The following KDM4C variants were observed in gnomAD, a reference collection of about 807,000 sequenced individuals.
The protein encoded by KDM4C is lysine-specific demethylase 4C.
KDM4C carries 81 observed loss-of-function variants against 129.3 expected under a neutral mutation model. That is an observed-to-expected ratio of 0.63 (90% CI 0.52 to 0.75). KDM4C has a LOEUF of 0.75. KDM4C is among the 30% of genes least tolerant of loss of function. The pLI is 0.00. For missense variants in KDM4C, 1,457 were observed against 1,304.0 expected, an observed-to-expected ratio of 1.12 and a Z score of -1.81; for synonymous variants, 573 against 456.1, an observed-to-expected ratio of 1.26 and a Z score of -3.26.
rs772670755 is a variant in KDM4C, at chr9:6,805,683, G to A, written c.229G>A (p.Val77Ile). The change falls in exon 3 of 22, where the codon GTC becomes ATC. Residue 77 changes from valine to isoleucine, a missense_variant. Physicochemically the swap from Val to Ile is conservative, Grantham distance 29. Transcript: ENST00000381309. ...LLIPAPIQQM[V>I]TGQSGLFTQY... ...CATTCCAGCACCAATTCAGCAGATG[G>A]TCACAGGGCAGTCAGGACTGTTCAC... The A allele has an allele frequency of 3.1e-6, 5 of 1,614,092 alleles. No individual in the cohort carries two copies. The highest frequency in any genetic ancestry group is 4.2e-6 in the Non-Finnish European group (5 of 1,180,006).
At chr9:6,936,798 C>T (rs1317467865) in intron 8 of KDM4C, among the ~76,000 whole-genome samples, 3 of 152,102 alleles carry the variant, frequency 2.0e-5, no homozygotes, top group African/African-American at 7.2e-5. Flanking sequence ...AACTATGTGC[C>T]CTTAGCTAAG....
At chr9:7,129,475 G>A (rs1840382057) in intron 19 of KDM4C, among the ~76,000 whole-genome samples, 1 of 152,164 alleles carries the variant, frequency 6.6e-6, no homozygotes, top group South Asian at 2.1e-4. Flanking sequence ...CATTGCCACT[G>A]TTATTCATAA....
At chr9:7,033,920 C>A (rs1827200502) in intron 15 of KDM4C, among the ~76,000 whole-genome samples, 1 of 151,994 alleles carries the variant, frequency 6.6e-6, no homozygotes, top group Admixed American at 6.5e-5. Context: ...GGAGAGAGAT[C>A]CCCAGGAAGA....
intron 1 of KDM4C, among the ~76,000 whole-genome samples, chr9:6,729,931 G>A (rs1449130536): frequency 1.5e-5 from 2 of 133,800 alleles, no homozygotes; most frequent in Admixed American, 8.0e-5. Context: ...CCAACATGGC[G>A]AAAATTAATC....
chr9:6,794,237 T>C (rs1003665123), intron 2 of KDM4C, among the ~76,000 whole-genome samples: 14 of 152,230 alleles, frequency 9.2e-5, no homozygotes, highest in African/African-American at 3.1e-4. Flanking sequence ...GGAGCTTACA[T>C]TCTAGTTGTA....
intron 5 of KDM4C, among the ~76,000 whole-genome samples, chr9:6,859,658 C>T (rs546111941): frequency 6.7e-6 from 1 of 149,970 alleles, no homozygotes; most frequent in East Asian, 2.0e-4. Flanking sequence ...ATCCGGAGAT[C>T]GAAACCATCC....
intron 15 of KDM4C, 72 bp downstream of exon 15, chr9:7,016,001 G>T (rs818883): frequency 1 from 1,076,923 of 1,076,944 alleles, 538,451 homozygotes; most frequent in Middle Eastern, 1. Flanking sequence ...TTAAGTCTAG[G>T]GAAAAGATAA....
At position 7,140,616 on chromosome 9, in the gene KDM4C, A is replaced by G. The variant is rs558646074; in HGVS notation, c.2781+12380A>G. On this transcript the variant is annotated intron_variant, in intron 19 of 21. Transcript: ENST00000381309. Reference sequence around the variant, plus strand: ...TCTGGGTACCTGCATATGGTCATACATGGATTCTCTAGTCAAGAAATACCT... The same window carrying G: ...TCTGGGTACCTGCATATGGTCATACGTGGATTCTCTAGTCAAGAAATACCT... Among the ~76,000 whole-genome samples, 27 of 152,330 alleles carry G rather than the reference A, an allele frequency of 1.8e-4. 1 individual carries two copies. The highest frequency in any genetic ancestry group is 1.4e-3 in the Admixed American group (22 of 15,300).
chr9:7,002,024 C>G (rs1820818787), intron 12 of KDM4C, among the ~76,000 whole-genome samples: 1 of 152,124 alleles, frequency 6.6e-6, no homozygotes, highest in South Asian at 2.1e-4. Flanking sequence ...TCCCGAGTAT[C>G]TAGGACTACA....
At chr9:6,904,611 A>G (rs1404094463) in intron 8 of KDM4C, among the ~76,000 whole-genome samples, 2 of 152,198 alleles carry the variant, frequency 1.3e-5, no homozygotes, top group Non-Finnish European at 2.9e-5. Flanking sequence ...GGCTGTGTCC[A>G]CACCTGTCAC....
chr9:6,920,511 C>T (rs981495859), intron 8 of KDM4C, among the ~76,000 whole-genome samples: 32 of 150,906 alleles, frequency 2.1e-4, no homozygotes, highest in Middle Eastern at 3.4e-3. Context: ...TGCAGTGAGC[C>T]GAGATCGTTC....
At chr9:6,866,472 G>T (rs1212380459) in intron 5 of KDM4C, among the ~76,000 whole-genome samples, 7 of 152,158 alleles carry the variant, frequency 4.6e-5, no homozygotes, top group Non-Finnish European at 8.8e-5. Context: ...ACCTCCTACA[G>T]TGTAGCACTG....
intron 5 of KDM4C, among the ~76,000 whole-genome samples, chr9:6,868,641 A>G (rs913604548): frequency 2.6e-5 from 4 of 152,146 alleles, no homozygotes; most frequent in Non-Finnish European, 5.9e-5. Context: ...TTGTTTAGGG[A>G]ATACTGACCA....
intron 17 of KDM4C, among the ~76,000 whole-genome samples, chr9:7,081,552 G>A (rs1165019856): frequency 1.3e-5 from 2 of 152,178 alleles, no homozygotes; most frequent in African/African-American, 4.8e-5. Flanking sequence ...CCCATTGACT[G>A]AAAATGTCTC....
At chr9:6,856,532 C>CTG (rs1251541770) in intron 5 of KDM4C, among the ~76,000 whole-genome samples, 15 of 127,584 alleles carry the variant, frequency 1.2e-4, no homozygotes, top group Non-Finnish European at 2.1e-4. Context: ...ATATCTCTCT[C>CTG]TGTGTGCGTG....
chr9:6,799,326 G>A (rs1158201127), intron 2 of KDM4C, among the ~76,000 whole-genome samples: 1 of 152,258 alleles, frequency 6.6e-6, no homozygotes, highest in African/African-American at 2.4e-5. Flanking sequence ...ATCTTGGGAG[G>A]CCGAGGCTGG....
At chr9:6,776,849 G>A (rs889792579) in intron 1 of KDM4C, among the ~76,000 whole-genome samples, 2 of 142,240 alleles carry the variant, frequency 1.4e-5, no homozygotes, top group East Asian at 2.2e-4. Flanking sequence ...TGATCCACCC[G>A]CCTCGGCCTC....
chr9:7,146,473 C>T (rs1204927236), intron 19 of KDM4C, among the ~76,000 whole-genome samples: 1 of 152,200 alleles, frequency 6.6e-6, no homozygotes, highest in Non-Finnish European at 1.5e-5. Flanking sequence ...CTTGTGGCAT[C>T]TTGAAGCTCT....
intron 1 of KDM4C, among the ~76,000 whole-genome samples, chr9:6,752,319 C>T (rs1377398821): frequency 1.1e-5 from 1 of 91,390 alleles, no homozygotes; most frequent in African/African-American, 4.8e-5. Context: ...GGCGACAGAG[C>T]GAAACTCCGT....
Sources: gnomAD v4.1 joint callset for allele counts (sites outside exome capture counted in the v4.1 genomes callset) on GRCh38, gnomAD v4.1.1 for gene constraint, MANE v1.5 for transcripts, NCBI Gene and HGNC (gene_info 2026-07-23, HGNC 2026-07-21) for gene names.